SYCP1: variants seen among roughly 807,000 people sequenced by gnomAD.
The protein encoded by SYCP1 is cancer/testis antigen 8.
Under a neutral mutation model 153.1 loss-of-function variants are expected in SYCP1, and 64 were observed. The ratio of observed to expected loss-of-function variants is 0.42; its 90% CI spans 0.34 to 0.51. The LOEUF (loss-of-function observed/expected upper bound fraction) is 0.51, where lower values mean the gene tolerates loss of function less well. Among genes scored for constraint, SYCP1 ranks in the 20% least tolerant of loss-of-function variants. SYCP1 has a pLI of 0.06. For synonymous variants in SYCP1, 384 were observed against 341.8 expected, an observed-to-expected ratio of 1.12 and a Z score of -1.36; for missense variants, 997 against 1,049.0, an observed-to-expected ratio of 0.95 and a Z score of 0.68.
At chr1:114,907,947 AGTC>A (rs1667922549) in intron 16 of SYCP1, among the ~76,000 whole-genome samples, 1 of 152,136 alleles carries the variant, frequency 6.6e-6, no homozygotes, top group African/African-American at 2.4e-5. Context: ...TTGCTTTAGT[AGTC>A]ATATGTTTTT....
At chr1:114,969,617 G>A (rs1557841583) in intron 27 of SYCP1, among the ~76,000 whole-genome samples, 1 of 152,142 alleles carries the variant, frequency 6.6e-6, no homozygotes, top group Non-Finnish European at 1.5e-5. Flanking sequence ...AGACTACTCG[G>A]CTCCCAGGCT....
chr1:114,954,041 G>GA (rs1318009733), intron 27 of SYCP1, among the ~76,000 whole-genome samples: 1 of 149,150 alleles, frequency 6.7e-6, no homozygotes, highest in Non-Finnish European at 1.5e-5. Context: ...TCATGCAATT[G>GA]AAAAAAATAG....
intron 20 of SYCP1, among the ~76,000 whole-genome samples, chr1:114,915,185 A>G (rs1363343707): frequency 6.6e-6 from 1 of 152,168 alleles, no homozygotes; most frequent in East Asian, 1.9e-4. Context: ...TGAGCATGGA[A>G]CTCAGGTAGC....
chr1:114,931,327 A>G (rs1244310722), intron 23 of SYCP1, among the ~76,000 whole-genome samples: 3 of 152,108 alleles, frequency 2.0e-5, no homozygotes, highest in East Asian at 1.9e-4. Context: ...GACTATCTAC[A>G]TGGAAATTTC....
Position 114,944,860 on chromosome 1 carries a change from C to G in SYCP1, c.2044-12C>G. 2.0e-6 allele frequency: 3 copies of G among 1,474,322 alleles called. No homozygotes were observed. The highest frequency in any genetic ancestry group is 1.3e-5 in the South Asian group (1 of 74,084). 91.3% of individuals were successfully genotyped at this position (1,474,322 alleles called of 1,614,324 possible). A position where few individuals can be genotyped will look rare whatever the true frequency, so the allele number is the denominator to read the frequency against. On this transcript the variant is annotated splice_polypyrimidine_tract_variant and intron_variant, in intron 24 of 31. Coordinates refer to ENST00000369522, the MANE Select transcript of SYCP1 (RefSeq NM_003176.4). ...TATTTTAAGAAACTTTTTTTTTTTGCTTATTTGATAGGTTGAGAAAGCAAA... is the reference window on the plus strand; with the variant it reads ...TATTTTAAGAAACTTTTTTTTTTTGGTTATTTGATAGGTTGAGAAAGCAAA...
At chr1:114,909,131 T>A (rs1668013665) in intron 16 of SYCP1, among the ~76,000 whole-genome samples, 1 of 152,184 alleles carries the variant, frequency 6.6e-6, no homozygotes, top group African/African-American at 2.4e-5. Flanking sequence ...TTTAAATTTG[T>A]GTAGTATTCA....
chr1:114,874,466 A>T (rs748738955), intron 8 of SYCP1, 40 bp from the exon 9 acceptor site: 1 of 1,231,458 alleles, frequency 8.1e-7, no homozygotes, highest in Non-Finnish European at 1.2e-6. Context: ...TTGACATCTT[A>T]TTTTAAAATT....
intron 22 of SYCP1, 31 bp downstream of exon 22, chr1:114,926,371 C>A (rs1177165233): frequency 2.0e-6 from 3 of 1,510,688 alleles, no homozygotes; most frequent in East Asian, 2.4e-5. Flanking sequence ...TTCTCAAAAT[C>A]AAACTGATAT....
intron 27 of SYCP1, among the ~76,000 whole-genome samples, chr1:114,966,975 G>A (rs942075214): frequency 6.6e-6 from 1 of 151,988 alleles, no homozygotes; most frequent in Non-Finnish European, 1.5e-5. Context: ...GTGAGCCACT[G>A]CACTCGGCCT....
chr1:114,886,452 G>T, intron 14 of SYCP1, 143 bp downstream of exon 14: 1 of 639,236 alleles, frequency 1.6e-6, no homozygotes, highest in Non-Finnish European at 2.3e-6. Context: ...TATAAAGTGG[G>T]AATACATTTT....
chr1:114,943,592 T>A (rs1408468124), intron 23 of SYCP1, among the ~76,000 whole-genome samples: 1 of 151,802 alleles, frequency 6.6e-6, no homozygotes, highest in Admixed American at 6.6e-5. Context: ...TAAGGGAATA[T>A]AAATTAAGAA....
At chr1:114,973,939 A>G (rs1672649780) in intron 27 of SYCP1, among the ~76,000 whole-genome samples, 1 of 151,816 alleles carries the variant, frequency 6.6e-6, no homozygotes, top group Non-Finnish European at 1.5e-5. Flanking sequence ...GCATATTTTG[A>G]TGAATACTAT....
chr1:114,961,927 T>G lies in SYCP1; in HGVS notation c.2322+14607T>G, dbSNP rs1348523861. On this transcript the variant is annotated intron_variant, in intron 27 of 31. Coordinates refer to ENST00000369522, the MANE Select transcript of SYCP1 (RefSeq NM_003176.4). The stretch of plus-strand genomic sequence containing the variant: ...TCTGTCTTGATGACCTGTCTAGTGC[T>G]GCCAGTGAAGTATTGAAGTCCCCCA... 2.0e-5 allele frequency among the ~76,000 whole-genome samples: 3 copies of G among 152,014 alleles called. No individual in the cohort carries two copies. The East Asian group carries it at 5.8e-4, about 29-fold the overall frequency.
At chr1:114,960,163 G>GTTTTTTTTTTTTTTTTTTTTTT (rs757126453) in intron 27 of SYCP1, among the ~76,000 whole-genome samples, 1 of 109,476 alleles carries the variant, frequency 9.1e-6, no homozygotes, top group Non-Finnish European at 1.8e-5. Flanking sequence ...TAGTTTGCTT[G>GTTTTTTTTTTTTTTTTTTTTTT]TTTTTTTTTT....
At chr1:114,956,438 T>G (rs1372798184) in intron 27 of SYCP1, among the ~76,000 whole-genome samples, 2 of 152,126 alleles carry the variant, frequency 1.3e-5, no homozygotes, top group Non-Finnish European at 2.9e-5. Context: ...TAGGAAACTA[T>G]TGTCTGTGCA....
intron 27 of SYCP1, among the ~76,000 whole-genome samples, chr1:114,973,149 A>T (rs1672596764): frequency 6.6e-6 from 1 of 152,134 alleles, no homozygotes; most frequent in African/African-American, 2.4e-5. Flanking sequence ...TTCTGCTTAC[A>T]GGGTGATGAA....
chr1:114,889,070 G>A (rs1666512608), intron 15 of SYCP1, among the ~76,000 whole-genome samples: 1 of 152,132 alleles, frequency 6.6e-6, no homozygotes, highest in Admixed American at 6.5e-5. Context: ...ATTCCATGAT[G>A]TATATGTGCT....
intron 16 of SYCP1, among the ~76,000 whole-genome samples, chr1:114,902,220 G>A (rs1390442518): frequency 6.6e-6 from 1 of 152,186 alleles, no homozygotes; most frequent in African/African-American, 2.4e-5. Flanking sequence ...AATGGGAGTA[G>A]GGGTACAGTT....
chr1:114,914,901 C>T (rs1668416859), intron 20 of SYCP1, among the ~76,000 whole-genome samples: 1 of 151,702 alleles, frequency 6.6e-6, no homozygotes, highest in Non-Finnish European at 1.5e-5. Flanking sequence ...GAGCAGTAAC[C>T]CGAGTTAAGG....
Sources: allele counts gnomAD v4.1 joint callset (sites outside exome capture counted in the v4.1 genomes callset), GRCh38; gene constraint gnomAD v4.1.1; transcripts MANE v1.5; gene names NCBI Gene and HGNC (gene_info 2026-07-23, HGNC 2026-07-21).